PRKN: variants seen among roughly 807,000 people sequenced by gnomAD.
PRKN encodes E3 ubiquitin-protein ligase parkin.
Under a neutral mutation model 59.5 loss-of-function variants are expected in PRKN, and 56 were observed. That is an observed-to-expected ratio of 0.94 (90% confidence interval 0.76 to 1.18). The LOEUF (loss-of-function observed/expected upper bound fraction) is 1.18. Among genes scored for constraint, PRKN ranks in the 50% most tolerant of loss-of-function variants. PRKN has a pLI of 0.00. For missense variants in PRKN, 657 were observed against 596.4 expected (o/e 1.10, Z -1.06); for synonymous variants, 250 against 222.1 (o/e 1.13, Z -1.12).
intron 6 of PRKN, among the ~76,000 whole-genome samples, chr6:161,831,921 A>C (rs997484447): frequency 1.3e-5 from 2 of 152,170 alleles, no homozygotes; most frequent in Non-Finnish European, 2.9e-5. Flanking sequence ...GGCCATGCCA[A>C]ATGACTGGGG....
At chr6:161,654,847 C>A (rs772800715) in intron 7 of PRKN, among the ~76,000 whole-genome samples, 1 of 152,154 alleles carries the variant, frequency 6.6e-6, no homozygotes, top group African/African-American at 2.4e-5. Flanking sequence ...TGGGAGGGAC[C>A]CTTTCAGAAG....
At chr6:162,421,713 T>A (rs746327625) in intron 2 of PRKN, among the ~76,000 whole-genome samples, 6 of 152,088 alleles carry the variant, frequency 3.9e-5, no homozygotes, top group Non-Finnish European at 7.4e-5. Context: ...ACAGCAACAG[T>A]CTACTGCAAA....
chr6:162,686,705 A>G (rs1777569744), intron 1 of PRKN, among the ~76,000 whole-genome samples: 1 of 152,196 alleles, frequency 6.6e-6, no homozygotes, highest in Admixed American at 6.5e-5. Flanking sequence ...TGCACCCAGG[A>G]GTTCAAGACC....
intron 1 of PRKN, among the ~76,000 whole-genome samples, chr6:162,655,634 C>T (rs553218076): frequency 2.6e-5 from 4 of 152,146 alleles, no homozygotes; most frequent in African/African-American, 9.6e-5. Flanking sequence ...ATGGAAATCC[C>T]CTTTGGAATT....
intron 7 of PRKN, among the ~76,000 whole-genome samples, chr6:161,671,237 A>G (rs1784897682): frequency 6.6e-6 from 1 of 152,122 alleles, no homozygotes; most frequent in African/African-American, 2.4e-5. Flanking sequence ...CTCTAAGAAT[A>G]GGCAGCAGTG....
chr6:161,735,449 T>C (rs1324841872), intron 7 of PRKN, among the ~76,000 whole-genome samples: 1 of 152,208 alleles, frequency 6.6e-6, no homozygotes, highest in Non-Finnish European at 1.5e-5. Flanking sequence ...ACAAATAGCA[T>C]CCACAATAGG....
intron 4 of PRKN, among the ~76,000 whole-genome samples, chr6:162,121,193 C>G (rs1229626502): frequency 6.6e-6 from 1 of 152,148 alleles, no homozygotes. Flanking sequence ...ATGCTTACCT[C>G]AAACTAACTA....
chr6:162,608,555 T>G (rs1405640698), intron 1 of PRKN, among the ~76,000 whole-genome samples: 1 of 152,128 alleles, frequency 6.6e-6, no homozygotes, highest in African/African-American at 2.4e-5. Flanking sequence ...GACATAAACC[T>G]CAAATGATCA....
intron 7 of PRKN, among the ~76,000 whole-genome samples, chr6:161,708,954 T>C (rs1786627431): frequency 6.6e-6 from 1 of 152,212 alleles, no homozygotes; most frequent in Admixed American, 6.5e-5. Context: ...AGGTTACACA[T>C]CTGTGCTGTA....
Position 161,731,455 on chromosome 6 carries a change from A to G in PRKN, c.871+54317T>C, listed in dbSNP as rs187322045. 1.6e-4 allele frequency among the ~76,000 whole-genome samples: 25 copies of G among 152,336 alleles called. 1 individual carries two copies. Among genetic ancestry groups the G allele is most frequent in the Admixed American group, 1.6e-3 (25 of 15,266 alleles). On this transcript the variant is annotated intron_variant, in intron 7 of 11. Transcript: ENST00000366898. ...CAGGCTAAGATTTTTTACATGTATC[A>G]TTAAATAAATTTACTTATTTTGAAT...
rs536880150 is a variant in PRKN at position 161,414,193 on chromosome 6, A to G, written c.1084-27316T>C. 6.6e-6 allele frequency among the ~76,000 whole-genome samples: 1 copy of G among 152,212 alleles called. No individual in the cohort carries two copies. The highest frequency in any genetic ancestry group is 1.9e-4 in the East Asian group (1 of 5,180). ...ACTCGACACTATGCTCTCAATCTCC[A>G]TGCACAATTTTGCAGAAGAGGCTCT... is the stretch of plus-strand genomic sequence containing the variant. On this transcript the variant is annotated intron_variant, in intron 9 of 11. Coordinates refer to ENST00000366898, the MANE Select transcript of PRKN (RefSeq NM_004562.3). The surrounding 1 kb of genome is among the most constrained non-coding windows in gnomAD (Gnocchi z 5.3).
intron 2 of PRKN, among the ~76,000 whole-genome samples, chr6:162,393,333 T>C (rs1211076071): frequency 4.0e-5 from 6 of 151,676 alleles, no homozygotes; most frequent in Non-Finnish European, 7.4e-5. Flanking sequence ...CTAATTTTTG[T>C]ATTTTTAGTA....
At chr6:161,765,192 T>A (rs1440240399) in intron 7 of PRKN, among the ~76,000 whole-genome samples, 2 of 152,304 alleles carry the variant, frequency 1.3e-5, no homozygotes, top group East Asian at 3.9e-4. Context: ...AAACACATCA[T>A]ATATTACTTG....
intron 1 of PRKN, among the ~76,000 whole-genome samples, chr6:162,640,574 T>C (rs539849534): frequency 6.6e-6 from 1 of 152,266 alleles, no homozygotes; most frequent in East Asian, 1.9e-4. Flanking sequence ...CAGCAACATA[T>C]CTAAACAAAT....
chr6:162,171,710 C>G (rs1472055940), intron 4 of PRKN, among the ~76,000 whole-genome samples: 1 of 152,086 alleles, frequency 6.6e-6, no homozygotes, highest in African/African-American at 2.4e-5. Context: ...CTGCCCCTGG[C>G]CCATGACTCT....
chr6:162,233,751 G>C (rs1206247324), intron 3 of PRKN, among the ~76,000 whole-genome samples: 2 of 152,162 alleles, frequency 1.3e-5, no homozygotes, highest in Non-Finnish European at 2.9e-5. Context: ...CATTTGGGAG[G>C]TAACTAGGAT....
intron 9 of PRKN, among the ~76,000 whole-genome samples, chr6:161,508,881 G>T (rs1021945770): frequency 2.7e-5 from 4 of 147,222 alleles, no homozygotes; most frequent in Non-Finnish European, 4.5e-5. Flanking sequence ...TTTCACTCTT[G>T]TTGCCGAGAC....
chr6:162,717,100 A>C (rs2128239771), intron 1 of PRKN, among the ~76,000 whole-genome samples: 1 of 152,298 alleles, frequency 6.6e-6, no homozygotes, highest in Non-Finnish European at 1.5e-5. Flanking sequence ...TTTAAGAGGA[A>C]GGCAGAGCAA....
chr6:161,741,941 G>GATTT (rs71805664), intron 7 of PRKN, among the ~76,000 whole-genome samples: 2,393 of 143,848 alleles, frequency 0.017, 19 homozygotes, highest in African/African-American at 0.022. Context: ...GATCTGATGG[G>GATTT]ATTTATTTAT....
Sources: gnomAD v4.1 joint callset for allele counts (sites outside exome capture counted in the v4.1 genomes callset) on GRCh38, gnomAD v4.1.1 for gene constraint, Gnocchi (gnomAD v3.1) non-coding constraint, MANE v1.5 for transcripts, NCBI Gene and HGNC (gene_info 2026-07-23, HGNC 2026-07-21) for gene names.